The following RB1 variants were observed in gnomAD, a reference collection of about 807,000 sequenced individuals.
The protein encoded by RB1 is retinoblastoma-associated protein.
In RB1, 18 loss-of-function variants were observed where a neutral mutation model predicts 135.4. The ratio of observed to expected loss-of-function variants is 0.13; its 90% confidence interval spans 0.09 to 0.20. RB1 has a LOEUF of 0.20. Among genes scored for constraint, RB1 ranks in the 10% least tolerant of loss-of-function variants. The probability of loss-of-function intolerance (pLI) is 1.00; values close to 1 mark genes in which losing one functional copy is unlikely to be tolerated. For missense variants in RB1, 868 were observed against 1,110.0 expected, an observed-to-expected ratio of 0.78 and a Z score of 3.10; for synonymous variants, 365 against 373.2, an observed-to-expected ratio of 0.98 and a Z score of 0.25.
intron 17 of RB1, among the ~76,000 whole-genome samples, chr13:48,418,279 C>T (rs1441414718): frequency 6.6e-6 from 1 of 152,028 alleles, no homozygotes; most frequent in African/African-American, 2.4e-5. Context: ...TCCAGCCAAA[C>T]TAAGCTTCAT....
intron 20 of RB1, 140 bp downstream of exon 20, chr13:48,459,973 T>C (rs1361150818): frequency 2.7e-6 from 1 of 373,898 alleles, no homozygotes; most frequent in African/African-American, 5.2e-5. Context: ...CTTTCTCTCT[T>C]TCTTTCTTTT....
rs1336887466 is a variant in RB1, at chr13:48,481,341, C to T, written c.*1270C>T. On this transcript the variant is annotated 3_prime_UTR_variant, in exon 27 of 27. Coordinates refer to ENST00000267163, the MANE Select transcript of RB1 (RefSeq NM_000321.3). ...AAAACAGCTGCATTAGAAAAAGAGG[C>T]GCTTCTCCCCTCCCCTACACCTAAA... 1.3e-5 allele frequency: 3 copies of T among 231,616 alleles called. No homozygotes were observed. Among genetic ancestry groups the T allele is most frequent in the Admixed American group, 5.6e-5 (1 of 17,714 alleles). The allele number at this position is 231,616 out of a possible 1,614,324, so 14.3% of individuals were successfully genotyped here.
chr13:48,471,582 A>AAAAAAG (rs1949470862), intron 23 of RB1, among the ~76,000 whole-genome samples: 1 of 150,274 alleles, frequency 6.7e-6, no homozygotes, highest in Admixed American at 6.6e-5. Context: ...ATAAAAAAAA[A>AAAAAAG]AAAAAGAAAA....
chr13:48,441,927 T>G (rs1951775), intron 17 of RB1, among the ~76,000 whole-genome samples: 85,676 of 152,032 alleles, frequency 0.56, 28,244 homozygotes, highest in Middle Eastern at 0.72. Flanking sequence ...TCACAAATCT[T>G]AGTCATGAGC....
chr13:48,308,859 A>G (rs896202276), intron 2 of RB1, among the ~76,000 whole-genome samples: 4 of 152,168 alleles, frequency 2.6e-5, no homozygotes, highest in Non-Finnish European at 5.9e-5. Context: ...GAGATTATAC[A>G]TGTAGTTATG....
chr13:48,328,321 C>T, intron 2 of RB1: 1 of 1,590,230 alleles, frequency 6.3e-7, no homozygotes, highest in South Asian at 1.1e-5. Flanking sequence ...AGAGTTGGAA[C>T]AGTTTCTTTA....
chr13:48,356,336 T>G (rs1952591468), intron 6 of RB1, among the ~76,000 whole-genome samples: 1 of 152,038 alleles, frequency 6.6e-6, no homozygotes, highest in Non-Finnish European at 1.5e-5. Flanking sequence ...AGTGCTACCT[T>G]TAAAATATAA....
intron 2 of RB1, among the ~76,000 whole-genome samples, chr13:48,308,920 A>G (rs1421687723): frequency 2.0e-5 from 3 of 152,080 alleles, no homozygotes; most frequent in African/African-American, 7.2e-5. Context: ...TTTTTTTCTC[A>G]TATGAGCATT....
chr13:48,429,069 T>G (rs1199881760), intron 17 of RB1, among the ~76,000 whole-genome samples: 3 of 152,230 alleles, frequency 2.0e-5, no homozygotes, highest in African/African-American at 7.2e-5. Flanking sequence ...ATTAAAAGTT[T>G]AAGCATTGTT....
chr13:48,465,403 TGA>T, intron 23 of RB1, 35 bp downstream of exon 23: 4 of 1,523,596 alleles, frequency 2.6e-6, no homozygotes, highest in Non-Finnish European at 3.6e-6. Flanking sequence ...TAGTAAAGAA[TGA>T]GAGGGGGATT....
chr13:48,328,807 T>A (rs1351120546), intron 2 of RB1, among the ~76,000 whole-genome samples: 13 of 152,214 alleles, frequency 8.5e-5, no homozygotes, highest in African/African-American at 2.7e-4. Flanking sequence ...GAGATTATTA[T>A]AGGCTCCAGA....
chr13:48,313,385 G>T (rs1273011565), intron 2 of RB1, among the ~76,000 whole-genome samples: 1 of 150,914 alleles, frequency 6.6e-6, no homozygotes. Flanking sequence ...TTTTTTGGTG[G>T]TGGTTTTTTT....
intron 2 of RB1, among the ~76,000 whole-genome samples, chr13:48,337,620 T>C (rs1952397150): frequency 3.3e-5 from 5 of 152,348 alleles, no homozygotes; most frequent in African/African-American, 1.2e-4. Context: ...TGATGGGTCT[T>C]GACTCTTTAT....
Position 48,319,394 on chromosome 13 carries a change from G to A in RB1, c.264+11988G>A, listed in dbSNP as rs1952214944. On this transcript the variant is annotated intron_variant, in intron 2 of 26. Coordinates refer to ENST00000267163, the MANE Select transcript of RB1 (RefSeq NM_000321.3). This position sits in a 1 kb window ranked among gnomAD's most constrained non-coding sequence, Gnocchi z 5.0. ...CCTGGATGGCCTCCTCAGTGCCGTC[G>A]TTGCTGCTGGAGTCTGACGCCTCGG... 1.4e-5 allele frequency: 6 copies of A among 418,956 alleles called. No individual in the cohort carries two copies. Among genetic ancestry groups the A allele is most frequent in the African/African-American group, 2.1e-5 (1 of 48,312 alleles). The allele number at this position is 418,956 out of a possible 1,614,324, so 26.0% of individuals were successfully genotyped here. A position where few individuals can be genotyped will look rare whatever the true frequency, so the allele number is the denominator to read the frequency against.
intron 1 of RB1, among the ~76,000 whole-genome samples, chr13:48,305,027 T>G (rs1203567829): frequency 6.6e-6 from 1 of 152,224 alleles, no homozygotes; most frequent in African/African-American, 2.4e-5. Context: ...TTACAACATC[T>G]TACTTTTCTT....
At chr13:48,317,265 C>T in intron 2 of RB1, 4 of 413,668 alleles carry the variant, frequency 9.7e-6, no homozygotes, top group Non-Finnish European at 1.7e-5. Flanking sequence ...GTGGACAGCG[C>T]GGGGAGAAGC....
chr13:48,391,908 C>A (rs1047884535), intron 17 of RB1, among the ~76,000 whole-genome samples: 3 of 152,148 alleles, frequency 2.0e-5, no homozygotes, highest in Admixed American at 6.5e-5. Context: ...GCATGAGCCA[C>A]CGCACCCAGC....
chr13:48,465,832 A>G (rs1326952575), intron 23 of RB1, among the ~76,000 whole-genome samples: 1 of 151,324 alleles, frequency 6.6e-6, no homozygotes, highest in Non-Finnish European at 1.5e-5. Flanking sequence ...TCCCACCCGA[A>G]TATTGCACTT....
intron 6 of RB1, among the ~76,000 whole-genome samples, chr13:48,351,616 T>A (rs1469801547): frequency 6.6e-6 from 1 of 152,140 alleles, no homozygotes; most frequent in African/African-American, 2.4e-5. Context: ...ATTTTTGATT[T>A]TGTTGTGATT....
Sources: allele counts gnomAD v4.1 joint callset (sites outside exome capture counted in the v4.1 genomes callset), GRCh38; gene constraint gnomAD v4.1.1; non-coding constraint Gnocchi (gnomAD v3.1); transcripts MANE v1.5; gene names NCBI Gene and HGNC (gene_info 2026-07-23, HGNC 2026-07-21).